Variants in XRCC4 observed in about 807,000 individuals in gnomAD.
The protein encoded by XRCC4 is DNA repair protein XRCC4.
Under a neutral mutation model 39.1 loss-of-function variants are expected in XRCC4, and 28 were observed. The observed-to-expected ratio is 0.72, with a 90% confidence interval of 0.53 to 0.98. XRCC4 has a LOEUF of 0.98. Ranked by LOEUF, XRCC4 falls within the 50% of genes least tolerant of loss-of-function variation. The probability of loss-of-function intolerance (pLI) is 0.00; values close to 1 mark genes in which losing one functional copy is unlikely to be tolerated. For synonymous variants in XRCC4, 123 were observed against 126.4 expected (o/e 0.97, Z 0.18); for missense variants, 350 against 376.4 (o/e 0.93, Z 0.58).
intron 7 of XRCC4, among the ~76,000 whole-genome samples, chr5:83,273,336 G>C (rs1282877413): frequency 4.6e-5 from 7 of 152,076 alleles, no homozygotes; most frequent in South Asian, 2.1e-4. Context: ...TTGTCAGATG[G>C]ATAGATTGCA....
chr5:83,365,833 C>T, the XRCC4 span, among the ~76,000 whole-genome samples: 16 of 152,186 alleles, frequency 1.1e-4, no homozygotes, highest in East Asian at 3.8e-4. Context: ...ATGATCTTTC[C>T]GATAGCTTCA....
Position 83,258,027 on chromosome 5 carries a change from G to A in XRCC4, c.746-503G>A, listed in dbSNP as rs917526275. On this transcript the variant is annotated intron_variant, in intron 6 of 7. Transcript: ENST00000396027. ...CACAGGGATGGAAACATCACACACCGGGGCCTGTCAGTGGGTGAGGAGCAA... is the reference window on the plus strand; with the variant it reads ...CACAGGGATGGAAACATCACACACCAGGGCCTGTCAGTGGGTGAGGAGCAA... Among the ~76,000 whole-genome samples, 4 of 152,190 alleles carry A rather than the reference G, an allele frequency of 2.6e-5. No homozygotes were observed. In the East Asian group the frequency reaches 5.8e-4, roughly 22 times the overall value.
At chr5:83,328,986 G>A (rs939992259) in intron 7 of XRCC4, among the ~76,000 whole-genome samples, 14 of 151,780 alleles carry the variant, frequency 9.2e-5, no homozygotes, top group African/African-American at 3.4e-4. Context: ...TGCCCAGACT[G>A]GACTCCAACA....
At chr5:83,370,877 A>AT in the XRCC4 span, among the ~76,000 whole-genome samples, 1 of 152,116 alleles carries the variant, frequency 6.6e-6, no homozygotes, top group African/African-American at 2.4e-5. Context: ...ACTCTGCCCC[A>AT]TGCCAACTCT....
At chr5:83,340,513 T>A (rs116861211) in intron 7 of XRCC4, among the ~76,000 whole-genome samples, 1 of 152,018 alleles carries the variant, frequency 6.6e-6, no homozygotes, top group Non-Finnish European at 1.5e-5. Flanking sequence ...GAGGAAGAGA[T>A]AAGACTAAGC....
intron 6 of XRCC4, among the ~76,000 whole-genome samples, chr5:83,215,787 A>T (rs1751836023): frequency 6.6e-6 from 1 of 152,164 alleles, no homozygotes; most frequent in Non-Finnish European, 1.5e-5. Context: ...AAACAGTTAC[A>T]CAGGTGTTTA....
rs982845704 is a variant in XRCC4, at chr5:83,242,998, A to G, written c.746-15532A>G. Among the ~76,000 whole-genome samples the G allele has an allele frequency of 4.6e-5, 7 of 152,200 alleles. No homozygotes were observed. The East Asian group carries it at 1.2e-3, about 25-fold the overall frequency. On this transcript the variant is annotated intron_variant, in intron 6 of 7. Transcript: ENST00000396027. ...CTAATTTCTATAACACCACATTGCT[A>G]TTTAGATTTTCAATTATGATATCTT...
intron 6 of XRCC4, among the ~76,000 whole-genome samples, chr5:83,205,441 TACTC>T (rs28360153): frequency 0.09 from 13,651 of 152,092 alleles, 1,267 homozygotes; most frequent in East Asian, 0.47. Context: ...ACCTATGACT[TACTC>T]AGTCCTTTGG....
chr5:83,161,111 ATTT>A (rs5869165), intron 3 of XRCC4, among the ~76,000 whole-genome samples: 1 of 143,048 alleles, frequency 7.0e-6, no homozygotes, highest in African/African-American at 2.6e-5. Flanking sequence ...AGTTCTTTTA[ATTT>A]TTTTTTTTTT....
chr5:83,123,483 A>G (rs911193321), intron 3 of XRCC4, among the ~76,000 whole-genome samples: 2 of 151,740 alleles, frequency 1.3e-5, no homozygotes, highest in Non-Finnish European at 1.5e-5. Context: ...AATCCAGTCT[A>G]TCAATCTGTG....
chr5:83,352,376 A>G (rs1757107760), intron 7 of XRCC4, among the ~76,000 whole-genome samples: 1 of 152,194 alleles, frequency 6.6e-6, no homozygotes, highest in Admixed American at 6.5e-5. Context: ...GGTTTCTACA[A>G]GGATATTAAC....
At chr5:83,370,913 C>T in the XRCC4 span, among the ~76,000 whole-genome samples, 1 of 152,168 alleles carries the variant, frequency 6.6e-6, no homozygotes, top group Non-Finnish European at 1.5e-5. Context: ...CACTTTCCAT[C>T]TCCATATTCT....
intron 3 of XRCC4, among the ~76,000 whole-genome samples, chr5:83,139,558 G>T (rs1228930644): frequency 6.6e-6 from 1 of 152,146 alleles, no homozygotes; most frequent in Non-Finnish European, 1.5e-5. Flanking sequence ...ACAGTCACAT[G>T]TTGTTTAACA....
At chr5:83,160,241 CAG>C (rs948600068) in intron 3 of XRCC4, among the ~76,000 whole-genome samples, 6 of 152,038 alleles carry the variant, frequency 3.9e-5, no homozygotes, top group African/African-American at 1.2e-4. Context: ...TTATATCAAT[CAG>C]GGAATATTAA....
intron 6 of XRCC4, among the ~76,000 whole-genome samples, chr5:83,206,985 A>G (rs1467823024): frequency 3.9e-5 from 6 of 152,208 alleles, no homozygotes; most frequent in African/African-American, 1.4e-4. Context: ...GAATTGGATT[A>G]CACAATACAC....
chr5:83,307,141 T>C (rs960556930), intron 7 of XRCC4, among the ~76,000 whole-genome samples: 5 of 152,234 alleles, frequency 3.3e-5, no homozygotes, highest in African/African-American at 1.2e-4. Flanking sequence ...GTGCACACTT[T>C]CTTGCTAACA....
At chr5:83,219,525 ATGAGAT>A (rs1184348727) in intron 6 of XRCC4, among the ~76,000 whole-genome samples, 1 of 152,154 alleles carries the variant, frequency 6.6e-6, no homozygotes, top group African/African-American at 2.4e-5. Flanking sequence ...AGACGAGATG[ATGAGAT>A]AAGAAGAGAA....
chr5:83,147,036 C>T (rs1026801919), intron 3 of XRCC4, among the ~76,000 whole-genome samples: 1 of 152,182 alleles, frequency 6.6e-6, no homozygotes, highest in Non-Finnish European at 1.5e-5. Flanking sequence ...CCACAAATTA[C>T]ACTCGTTCTG....
chr5:83,128,298 T>A (rs1032475712), intron 3 of XRCC4, among the ~76,000 whole-genome samples: 1 of 152,298 alleles, frequency 6.6e-6, no homozygotes, highest in East Asian at 1.9e-4. Flanking sequence ...ACGAAGGATA[T>A]GAACTCATCC....
Sources: gnomAD v4.1 joint callset for allele counts (sites outside exome capture counted in the v4.1 genomes callset) on GRCh38, gnomAD v4.1.1 for gene constraint, MANE v1.5 for transcripts, NCBI Gene and HGNC (gene_info 2026-07-23, HGNC 2026-07-21) for gene names.